Variants in DGKH observed in about 807,000 individuals in gnomAD.
The protein encoded by DGKH is diacylglycerol kinase eta.
A neutral mutation model predicts 159.3 loss-of-function variants in DGKH; 90 were observed. The observed-to-expected ratio is 0.57, with a 90% CI of 0.48 to 0.67. The LOEUF is 0.67. Among genes scored for constraint, DGKH ranks in the 30% least tolerant of loss-of-function variants. DGKH has a pLI of 0.00. For missense variants in DGKH, 1,181 were observed against 1,506.1 expected (o/e 0.78, Z 3.57); for synonymous variants, 536 against 553.8 (o/e 0.97, Z 0.45).
At chr13:42,172,896 A>G (rs1456289531) in intron 11 of DGKH, among the ~76,000 whole-genome samples, 1 of 151,752 alleles carries the variant, frequency 6.6e-6, no homozygotes, top group Non-Finnish European at 1.5e-5. Flanking sequence ...GCTGATCTTG[A>G]ACTCCTGACC....
intron 1 of DGKH, among the ~76,000 whole-genome samples, chr13:42,099,823 T>C (rs964745741): frequency 6.6e-6 from 1 of 152,132 alleles, no homozygotes; most frequent in Middle Eastern, 3.2e-3. Context: ...GGCCCTAAGC[T>C]GGGGTTGAAG....
rs1004386348 is a variant in DGKH at position 42,120,203 on chromosome 13, C to T, written c.193-7260C>T. ...ATGTTACCCAGAGGTTCCACATCTC[C>T]AATCTTGGTTTGAAAATAAACTAGG... On this transcript the variant is annotated intron_variant, in intron 1 of 29. Coordinates refer to ENST00000337343, the MANE Select transcript of DGKH (RefSeq NM_178009.5). Among the ~76,000 whole-genome samples the T allele has an allele frequency of 4.6e-5, 7 of 152,248 alleles. No individual in the cohort carries two copies. In the East Asian group the frequency reaches 1.2e-3, roughly 25 times the overall value.
chr13:42,206,332 A>G (rs1051877023), intron 21 of DGKH, among the ~76,000 whole-genome samples, 186 bp downstream of exon 21: 1 of 152,190 alleles, frequency 6.6e-6, no homozygotes, highest in Non-Finnish European at 1.5e-5. Flanking sequence ...ATGTACTCCA[A>G]CTTTTCTCAT....
chr13:42,245,354 T>C (rs1221891991), downstream of DGKH, among the ~76,000 whole-genome samples: 1 of 152,218 alleles, frequency 6.6e-6, no homozygotes, highest in African/African-American at 2.4e-5. Flanking sequence ...GTGGTTAGCA[T>C]GTGGTATGTG....
At chr13:42,092,761 C>T (rs943402549) in intron 1 of DGKH, among the ~76,000 whole-genome samples, 7 of 152,110 alleles carry the variant, frequency 4.6e-5, no homozygotes, top group Admixed American at 3.9e-4. Flanking sequence ...ATGTTACAAG[C>T]ACAAAGAAAA....
intron 11 of DGKH, among the ~76,000 whole-genome samples, chr13:42,170,390 G>A (rs1956419329): frequency 6.6e-6 from 1 of 151,980 alleles, no homozygotes; most frequent in African/African-American, 2.4e-5. Flanking sequence ...TACAATCTGG[G>A]CGACAGAGTG....
chr13:42,188,551 A>C (rs1294286863), intron 14 of DGKH, among the ~76,000 whole-genome samples: 2 of 152,168 alleles, frequency 1.3e-5, no homozygotes, highest in African/African-American at 4.8e-5. Context: ...GCATTAAGTC[A>C]ATTACTTTTT....
chr13:42,218,448 T>C (rs2138236295), intron 26 of DGKH, among the ~76,000 whole-genome samples: 1 of 152,202 alleles, frequency 6.6e-6, no homozygotes, highest in Non-Finnish European at 1.5e-5. Context: ...TGCAGTTCTT[T>C]TTATATGACA....
At chr13:42,225,175 G>A in intron 29 of DGKH, 1 of 992,394 alleles carries the variant, frequency 1.0e-6, no homozygotes, top group South Asian at 1.5e-5. Context: ...GGCCTGCCTT[G>A]GCCTCCTACA....
rs1958411190 is a variant in DGKH at position 42,236,295 on chromosome 13, T to G, written c.*7107T>G. 6.6e-6 allele frequency: 1 copy of G among 152,228 alleles called. No individual in the cohort carries two copies. Among genetic ancestry groups the G allele is most frequent in the Non-Finnish European group, 1.5e-5 (1 of 68,030 alleles). The allele number at this position is 152,228 out of a possible 1,614,324, so 9.4% of individuals were successfully genotyped here. ...TGTAGTTCTGTTGATGATTTACTTATGTACTTGAAGTACTCATTTCTGTCA... is the reference window on the plus strand; with the variant it reads ...TGTAGTTCTGTTGATGATTTACTTAGGTACTTGAAGTACTCATTTCTGTCA... On this transcript the variant is annotated 3_prime_UTR_variant, in exon 30 of 30. Transcript: ENST00000337343.
At chr13:42,120,008 T>C (rs1594053796) in intron 1 of DGKH, among the ~76,000 whole-genome samples, 1 of 152,226 alleles carries the variant, frequency 6.6e-6, no homozygotes, top group Admixed American at 6.5e-5. Context: ...TATTATCTTT[T>C]GACCTCTCTC....
rs779625784 is a variant in DGKH, at chr13:42,214,553, G to A, written c.3061G>A (p.Ala1021Thr). The A allele has an allele frequency of 6.2e-7, 1 of 1,613,572 alleles. No homozygotes were observed. Among genetic ancestry groups the A allele is most frequent in the South Asian group, 1.1e-5 (1 of 90,992 alleles). The change falls in exon 25 of 30, where the codon GCC (alanine) becomes ACC (threonine). Residue 1021 changes from alanine to threonine, a missense_variant. Physicochemically the swap from Ala to Thr is moderately conservative, Grantham distance 58. Transcript: ENST00000337343. ...TIHCLLEQEL[A>T]HAVNACSHAL... Reference sequence around the variant, plus strand: ...TCACTGTCTTTTGGAGCAAGAACTGGCCCATGCTGTGAATGCCTGCTCCCA... The same window carrying A: ...TCACTGTCTTTTGGAGCAAGAACTGACCCATGCTGTGAATGCCTGCTCCCA...
intron 3 of DGKH, among the ~76,000 whole-genome samples, chr13:42,138,364 TGA>T (rs67550655): frequency 0.36 from 55,142 of 151,932 alleles, 10,898 homozygotes; most frequent in South Asian, 0.45. Context: ...TGTGTGCATG[TGA>T]GAGGGGGTGA....
At chr13:42,063,948 A>AATATAT (rs57230220) in intron 1 of DGKH, among the ~76,000 whole-genome samples, 26 of 128,856 alleles carry the variant, frequency 2.0e-4, no homozygotes, top group African/African-American at 6.4e-4. Context: ...TGAAAAAAAA[A>AATATAT]ATATATATAT....
chr13:42,157,317 C>A (rs1255462146), intron 5 of DGKH, among the ~76,000 whole-genome samples: 1 of 152,048 alleles, frequency 6.6e-6, no homozygotes, highest in African/African-American at 2.4e-5. Context: ...TGAAAAGACA[C>A]CACATCTGAG....
Position 42,175,807 on chromosome 13 carries a change from T to C in DGKH, c.1452+1663T>C, listed in dbSNP as rs549694839. Among the ~76,000 whole-genome samples the C allele has an allele frequency of 2.0e-5, 3 of 152,336 alleles. 1 individual carries two copies. In the South Asian group the frequency reaches 6.2e-4, roughly 32 times the overall value. Reference sequence around the variant, plus strand: ...AACTAGGCTGGCACCAGGAATGCATTTTACTGTGTGTGGCCTTTTTACCTT... The same window carrying C: ...AACTAGGCTGGCACCAGGAATGCATCTTACTGTGTGTGGCCTTTTTACCTT... On this transcript the variant is annotated intron_variant, in intron 12 of 29. Transcript: ENST00000337343.
intron 1 of DGKH, among the ~76,000 whole-genome samples, chr13:42,061,806 A>G (rs1041315619): frequency 6.6e-6 from 1 of 152,190 alleles, no homozygotes; most frequent in Non-Finnish European, 1.5e-5. Context: ...ATTGAGTTCT[A>G]TTCTAGGTGC....
At chr13:42,219,984 T>C (rs1182531361) in intron 28 of DGKH, among the ~76,000 whole-genome samples, 190 bp downstream of exon 28, 1 of 152,142 alleles carries the variant, frequency 6.6e-6, no homozygotes, top group African/African-American at 2.4e-5. Flanking sequence ...TTTATGAATT[T>C]TACCATAAAA....
At chr13:42,072,131 T>C (rs1348118938) in intron 1 of DGKH, among the ~76,000 whole-genome samples, 3 of 152,216 alleles carry the variant, frequency 2.0e-5, no homozygotes, top group Admixed American at 2.0e-4. Flanking sequence ...CACTTTCTTA[T>C]TAAGTTTATA....
Sources: allele counts gnomAD v4.1 joint callset (sites outside exome capture counted in the v4.1 genomes callset), GRCh38; gene constraint gnomAD v4.1.1; transcripts MANE v1.5; gene names NCBI Gene and HGNC (gene_info 2026-07-23, HGNC 2026-07-21).